NKD1: variants seen among roughly 807,000 people sequenced by gnomAD.
NKD1 encodes the protein protein naked cuticle homolog 1.
Under a neutral mutation model 56.0 loss-of-function variants are expected in NKD1, and 21 were observed. That is an observed-to-expected ratio of 0.38 (90% confidence interval 0.27 to 0.54). The LOEUF (loss-of-function observed/expected upper bound fraction) is 0.54, where lower values mean the gene tolerates loss of function less well. Ranked by LOEUF, NKD1 falls within the 20% of genes least tolerant of loss-of-function variation. NKD1 has a pLI of 0.82. For missense variants in NKD1, 578 were observed against 642.7 expected (o/e 0.90, Z 1.09); for synonymous variants, 263 against 265.7 (o/e 0.99, Z 0.10).
intron 3 of NKD1, among the ~76,000 whole-genome samples, chr16:50,586,833 CTCCTGGAATGA>C (rs1203280311): frequency 6.6e-6 from 1 of 152,214 alleles, no homozygotes; most frequent in African/African-American, 2.4e-5. Context: ...ACAACTCTAG[CTCCTGGAATGA>C]TAGAGAATTT....
intron 5 of NKD1, among the ~76,000 whole-genome samples, chr16:50,624,263 G>T (rs1567352516): frequency 6.6e-6 from 1 of 152,132 alleles, no homozygotes; most frequent in Non-Finnish European, 1.5e-5. Context: ...TGAACAGCAT[G>T]CTTCCTAGAA....
chr16:50,617,740 C>A (rs1961994622), intron 4 of NKD1, among the ~76,000 whole-genome samples: 1 of 152,236 alleles, frequency 6.6e-6, no homozygotes, highest in African/African-American at 2.4e-5. Context: ...TTGACATTTT[C>A]TTTCTTCCAC....
intron 3 of NKD1, among the ~76,000 whole-genome samples, chr16:50,550,440 GA>G (rs1156424503): frequency 6.6e-6 from 1 of 151,952 alleles, no homozygotes; most frequent in Non-Finnish European, 1.5e-5. Flanking sequence ...GGGCTGGGGA[GA>G]GGCCAGTGGA....
intron 7 of NKD1, 67 bp from the exon 8 acceptor site, chr16:50,630,759 C>T (rs1399938687): frequency 4.3e-6 from 6 of 1,387,006 alleles, no homozygotes; most frequent in South Asian, 1.3e-5. Flanking sequence ...GCACGCCAGG[C>T]AGCCCTGGGG....
chr16:50,611,891 G>A (rs147628983), intron 4 of NKD1, among the ~76,000 whole-genome samples: 1,789 of 152,252 alleles, frequency 0.012, 43 homozygotes, highest in African/African-American at 0.041. Context: ...CCCTGGTACA[G>A]AGTAAGTGCC....
At position 50,573,441 on chromosome 16, in the gene NKD1, C is replaced by T. The variant is rs975393237; in HGVS notation, c.192+23886C>T. On this transcript the variant is annotated intron_variant, in intron 3 of 9. Transcript: ENST00000268459. ...GGAGCTTCTGGGCTCTTCTTCATCCCCTTGACCTGCCCTGCAGTGTGAAGC... is the reference window on the plus strand; with the variant it reads ...GGAGCTTCTGGGCTCTTCTTCATCCTCTTGACCTGCCCTGCAGTGTGAAGC... Among the ~76,000 whole-genome samples, 6 of 152,342 alleles carry T rather than the reference C, an allele frequency of 3.9e-5. 1 individual carries two copies. In the Middle Eastern group the frequency reaches 0.01, roughly 259 times the overall value.
intron 3 of NKD1, chr16:50,552,170 GTAT>G (rs1960402484): frequency 6.6e-6 from 1 of 152,228 alleles, no homozygotes; most frequent in Non-Finnish European, 1.5e-5. Flanking sequence ...CATCCAACTA[GTAT>G]TATTGTTATT....
At chr16:50,590,325 C>A in intron 3 of NKD1, among the ~76,000 whole-genome samples, 1 of 152,206 alleles carries the variant, frequency 6.6e-6, no homozygotes, top group Non-Finnish European at 1.5e-5. Context: ...TAAGTCTGGC[C>A]TATGCCTGAT....
rs765809217 is a variant in NKD1 at position 50,621,586 on chromosome 16, C to T, written c.260-16C>T. On this transcript the variant is annotated splice_polypyrimidine_tract_variant and intron_variant, in intron 4 of 9. Coordinates refer to ENST00000268459, the MANE Select transcript of NKD1 (RefSeq NM_033119.5). ...GGACCCTGCTCCTAATGCTCCCTCG[C>T]CTGCCTCCCCGACAGTGGCCCTGCC... 1.6e-5 allele frequency: 26 copies of T among 1,601,618 alleles called. No individual in the cohort carries two copies. The East Asian group carries it at 5.4e-4, about 33-fold the overall frequency.
At chr16:50,548,815 G>C in intron 2 of NKD1, 66 bp downstream of exon 2, 17 of 1,332,502 alleles carry the variant, frequency 1.3e-5, no homozygotes, top group Non-Finnish European at 1.6e-5. Flanking sequence ...CGGCAGAACG[G>C]CCCAGCCCGC....
intron 3 of NKD1, among the ~76,000 whole-genome samples, chr16:50,565,115 C>T (rs543189595): frequency 2.0e-5 from 3 of 152,206 alleles, no homozygotes; most frequent in African/African-American, 7.2e-5. Flanking sequence ...GTGGCTCATG[C>T]CTGTAATCCC....
chr16:50,576,868 C>T (rs1961005406), intron 3 of NKD1, among the ~76,000 whole-genome samples: 1 of 152,014 alleles, frequency 6.6e-6, no homozygotes, highest in South Asian at 2.1e-4. Context: ...CCTACCATCC[C>T]CGTCAACAGG....
In NKD1 at chr16:50,598,262, T is replaced by TGTGCGCGCGCGC. The variant is rs138964473; in HGVS notation, c.193-10031_193-10030insTGCGCGCGCGCG. Among the ~76,000 whole-genome samples the TGTGCGCGCGCGC allele has an allele frequency of 4.6e-4, 68 of 148,664 alleles. 1 individual carries two copies. Among genetic ancestry groups the TGTGCGCGCGCGC allele is most frequent in the Non-Finnish European group, 7.8e-4 (53 of 67,538 alleles). On this transcript the variant is annotated intron_variant, in intron 3 of 9. Transcript: ENST00000268459. This position sits in a 1 kb window ranked among gnomAD's most constrained non-coding sequence, Gnocchi z 4.2. ...GTGTGTGTGTGTGTGTGTGTGTGTGTGCGCGCACACCTGTGCTCATGGACA... is the reference window on the plus strand; with the variant it reads ...GTGTGTGTGTGTGTGTGTGTGTGTGTGTGCGCGCGCGCGCGCGCACACCTGTGCTCATGGACA...
In NKD1 at chr16:50,621,589, G is replaced by A. The variant is rs1321107470; in HGVS notation, c.260-13G>A. Reference sequence around the variant, plus strand: ...CCCTGCTCCTAATGCTCCCTCGCCTGCCTCCCCGACAGTGGCCCTGCCTCC... The same window carrying A: ...CCCTGCTCCTAATGCTCCCTCGCCTACCTCCCCGACAGTGGCCCTGCCTCC... On this transcript the variant is annotated splice_polypyrimidine_tract_variant and intron_variant, in intron 4 of 9. Transcript: ENST00000268459. 6.2e-7 allele frequency: 1 copy of A among 1,604,802 alleles called. No individual in the cohort carries two copies. The highest frequency in any genetic ancestry group is 1.1e-5 in the South Asian group (1 of 90,528).
rs1400720754 is a variant in NKD1 at position 50,549,529 on chromosome 16, G to T, written c.166G>T (p.Ala56Ser). ...CTCGGGACCCCGACAGCTGCGGTTG[G>T]CGGGCACCATAGGCCGAAGCACCCG... ...GVSGPRQLRL[A>S]GTIGRSTREL... The change falls in exon 3 of 10, where the codon GCG (alanine) becomes TCG (serine). Residue 56 changes from alanine (A) to serine (S), a missense_variant. Coordinates refer to ENST00000268459, the MANE Select transcript of NKD1 (RefSeq NM_033119.5). The T allele has an allele frequency of 5.6e-6, 9 of 1,606,248 alleles. No homozygotes were observed. Among genetic ancestry groups the T allele is most frequent in the African/African-American group, 1.3e-5 (1 of 74,644 alleles).
At chr16:50,554,567 A>G (rs1411232025) in intron 3 of NKD1, among the ~76,000 whole-genome samples, 1 of 152,116 alleles carries the variant, frequency 6.6e-6, no homozygotes. Context: ...GAAGGGTGGA[A>G]CCAGGCTTTT....
rs570135128 is a variant in NKD1 at position 50,581,763 on chromosome 16, G to C, written c.193-26531G>C. ...ATCCAGGATGATGAGGTGCTGTCTT[G>C]TAGCAGCTCTCAGTGGCTGTTAGCT... is the stretch of plus-strand genomic sequence containing the variant. On this transcript the variant is annotated intron_variant, in intron 3 of 9. Transcript: ENST00000268459. Among the ~76,000 whole-genome samples the C allele has an allele frequency of 6.6e-5, 10 of 152,362 alleles. No individual in the cohort carries two copies. The South Asian group carries it at 2.1e-3, about 32-fold the overall frequency.
At chr16:50,568,512 G>A (rs1475588636) in intron 3 of NKD1, among the ~76,000 whole-genome samples, 1 of 152,170 alleles carries the variant, frequency 6.6e-6, no homozygotes, top group Non-Finnish European at 1.5e-5. Flanking sequence ...TGTGTCAAGC[G>A]CTTCCTCATT....
chr16:50,608,487 T>G, intron 4 of NKD1, 127 bp downstream of exon 4: 250 of 537,080 alleles, frequency 4.7e-4, no homozygotes, highest in East Asian at 7.5e-4. Context: ...CTTGTGACTC[T>G]GGGTGGGGGT....
Sources: gnomAD v4.1 joint callset for allele counts (sites outside exome capture counted in the v4.1 genomes callset) on GRCh38, gnomAD v4.1.1 for gene constraint, Gnocchi (gnomAD v3.1) non-coding constraint, MANE v1.5 for transcripts, NCBI Gene and HGNC (gene_info 2026-07-23, HGNC 2026-07-21) for gene names.